Variants in JAK2 observed in about 807,000 individuals in gnomAD.
JAK2 encodes Janus kinase 2, also known as tyrosine-protein kinase JAK2.
A neutral mutation model predicts 139.3 loss-of-function variants in JAK2; 86 were observed. That is an observed-to-expected ratio of 0.62 (90% CI 0.52 to 0.74). The LOEUF is 0.74. JAK2 is among the 30% of genes least tolerant of loss of function. The pLI, the probability that JAK2 is intolerant of heterozygous loss-of-function variation, is 0.00. For synonymous variants in JAK2, 490 were observed against 437.7 expected (o/e 1.12, Z -1.49); for missense variants, 1,421 against 1,360.3 (o/e 1.04, Z -0.70).
At chr9:5,106,996 A>G (rs1822015199) in intron 22 of JAK2, among the ~76,000 whole-genome samples, 2 of 152,178 alleles carry the variant, frequency 1.3e-5, no homozygotes, top group Non-Finnish European at 2.9e-5. Context: ...AAACCTGCAC[A>G]TTGTGCACAT....
intron 7 of JAK2, among the ~76,000 whole-genome samples, chr9:5,055,321 T>G (rs1294123866): frequency 6.6e-6 from 1 of 152,062 alleles, no homozygotes; most frequent in African/African-American, 2.4e-5. Context: ...GTGTTGTTCA[T>G]AGATTGTTAC....
chr9:5,085,210 G>C, intron 19 of JAK2: 1 of 664,218 alleles, frequency 1.5e-6, no homozygotes, highest in Non-Finnish European at 2.9e-6. Flanking sequence ...ATTCATTTCT[G>C]GGAACTGCTG....
chr9:5,020,920 G>C lies in JAK2; in HGVS notation c.-25-1043G>C, dbSNP rs73639256. 2.4e-3 allele frequency among the ~76,000 whole-genome samples: 367 copies of C among 152,250 alleles called. 5 individuals are homozygous for C. Among genetic ancestry groups the C allele is most frequent in the African/African-American group, 8.4e-3 (349 of 41,526 alleles). ...TGGGCTTTAAAAATGGCACCGTGCT[G>C]TAGCTGCTTAGGACTCAGGGGTGTG... On this transcript the variant is annotated intron_variant, in intron 2 of 24. Coordinates refer to ENST00000381652, the MANE Select transcript of JAK2 (RefSeq NM_004972.4).
intron 2 of JAK2, among the ~76,000 whole-genome samples, chr9:4,998,979 G>T (rs1355058268): frequency 6.6e-6 from 1 of 150,772 alleles, no homozygotes; most frequent in Non-Finnish European, 1.5e-5. Flanking sequence ...CCGCCACCAC[G>T]CCCGGCTATT....
intron 22 of JAK2, chr9:5,097,970 CAACGTTA>C (rs1404850132): frequency 1.2e-4 from 19 of 152,266 alleles, no homozygotes; most frequent in African/African-American, 4.6e-4. Flanking sequence ...CGGTATGCCG[CAACGTTA>C]TTCCGATTAT....
At position 5,090,903 on chromosome 9, in the gene JAK2, C is replaced by G; in HGVS notation, c.3051C>G (p.Pro1017=). 6.3e-7 allele frequency: 1 copy of G among 1,599,652 alleles called. No individual in the cohort carries two copies. Residue 1017 remains proline, a synonymous_variant, in exon 22 of 25, where the codon CCC becomes CCG. Transcript: ENST00000381652. ...YYKVKEPGES[P]IFWYAPESLT... ...AAGTAAAAGAACCTGGTGAAAGTCCCATATTCTGGTGAGTATATTTCAGTA... is the reference window on the plus strand; with the variant it reads ...AAGTAAAAGAACCTGGTGAAAGTCCGATATTCTGGTGAGTATATTTCAGTA...
At chr9:5,016,736 T>A (rs1364083908) in intron 2 of JAK2, among the ~76,000 whole-genome samples, 2 of 152,114 alleles carry the variant, frequency 1.3e-5, no homozygotes, top group Non-Finnish European at 2.9e-5. Flanking sequence ...TCCTGCCAGT[T>A]ATTCTCCATG....
chr9:5,013,648 A>G (rs778523533), intron 2 of JAK2, among the ~76,000 whole-genome samples: 1 of 152,120 alleles, frequency 6.6e-6, no homozygotes, highest in African/African-American at 2.4e-5. Context: ...GTTTTTCATT[A>G]CTTGTCAAAA....
At chr9:5,030,034 T>G in intron 4 of JAK2, 128 bp downstream of exon 4, 1 of 711,120 alleles carries the variant, frequency 1.4e-6, no homozygotes, top group Non-Finnish European at 2.2e-6. Context: ...TCATTTAAGA[T>G]TTCATTTAAG....
intron 22 of JAK2, chr9:5,101,128 C>A (rs1821448246): frequency 6.6e-6 from 1 of 152,278 alleles, no homozygotes; most frequent in Non-Finnish European, 1.5e-5. Flanking sequence ...CTTTCCCAGC[C>A]AAGGGAAGCC....
At chr9:5,074,447 C>A (rs185047035) in intron 14 of JAK2, among the ~76,000 whole-genome samples, 1 of 148,252 alleles carries the variant, frequency 6.7e-6, no homozygotes, top group Admixed American at 6.9e-5. Context: ...TTTGGTAATT[C>A]TAGCAACATT....
intron 2 of JAK2, among the ~76,000 whole-genome samples, chr9:4,996,748 A>T (rs901649789): frequency 6.6e-6 from 1 of 151,972 alleles, no homozygotes; most frequent in Non-Finnish European, 1.5e-5. Context: ...TTCTGCGATA[A>T]TTGGATTATA....
At chr9:5,097,544 C>T (rs3780372) in intron 22 of JAK2, 50,898 of 151,934 alleles carry the variant, frequency 0.34, 8,856 homozygotes, top group African/African-American at 0.44. Context: ...ACAGTAGGAA[C>T]AGACATAGAC....
chr9:5,102,362 G>A (rs1470684892), intron 22 of JAK2, among the ~76,000 whole-genome samples: 1 of 152,088 alleles, frequency 6.6e-6, no homozygotes, highest in Non-Finnish European at 1.5e-5. Flanking sequence ...AAAGCAACAA[G>A]ATAAAGCCTA....
chr9:5,005,150 G>A (rs1821212947), intron 2 of JAK2, among the ~76,000 whole-genome samples: 1 of 111,810 alleles, frequency 8.9e-6, no homozygotes, highest in African/African-American at 3.5e-5. Flanking sequence ...GGGTCTCACT[G>A]TGTTGCCCAG....
chr9:5,096,014 G>C lies in JAK2; in HGVS notation c.3059+5103G>C, dbSNP rs946358556. On this transcript the variant is annotated intron_variant, in intron 22 of 24. Coordinates refer to ENST00000381652, the MANE Select transcript of JAK2 (RefSeq NM_004972.4). ...CCATTAACAGGATTTCTGCCTGAAT[G>C]AGTCATCATTCAAGAATTTTCAAAA... 3.9e-5 allele frequency among the ~76,000 whole-genome samples: 6 copies of C among 152,228 alleles called. No homozygotes were observed. In the South Asian group the frequency reaches 1.2e-3, roughly 32 times the overall value.
At chr9:5,056,353 A>C (rs1281959577) in intron 8 of JAK2, among the ~76,000 whole-genome samples, 1 of 151,944 alleles carries the variant, frequency 6.6e-6, no homozygotes, top group African/African-American at 2.4e-5. Flanking sequence ...TTTGCTCTTA[A>C]GTTTCTCATT....
In JAK2 at chr9:5,022,089, A is replaced by T; in HGVS notation, c.102A>T (p.Gln34His). The T allele has an allele frequency of 3.1e-6, 5 of 1,613,748 alleles. No homozygotes were observed. The highest frequency in any genetic ancestry group is 4.2e-6 in the Non-Finnish European group (5 of 1,179,594). Residue 34 changes from glutamine (Q) to histidine (H), a missense_variant, in exon 3 of 25, where the codon CAA (glutamine) becomes CAT (histidine). Transcript: ENST00000381652. The part of the protein sequence containing the change: ...DISGNANSMK[Q>H]IDPVLQVYLY... Reference sequence around the variant, plus strand: ...CTGGAAATGCCAATTCTATGAAGCAAATAGATCCAGTTCTTCAGGTGTATC... The same window carrying T: ...CTGGAAATGCCAATTCTATGAAGCATATAGATCCAGTTCTTCAGGTGTATC...
chr9:5,062,190 T>G (rs192501478), intron 8 of JAK2, among the ~76,000 whole-genome samples: 2 of 152,212 alleles, frequency 1.3e-5, no homozygotes, highest in Non-Finnish European at 2.9e-5. Flanking sequence ...AAAACCTGCA[T>G]ATGTGTAGGG....
Sources: allele counts gnomAD v4.1 joint callset (sites outside exome capture counted in the v4.1 genomes callset), GRCh38; gene constraint gnomAD v4.1.1; transcripts MANE v1.5; gene names NCBI Gene and HGNC (gene_info 2026-07-23, HGNC 2026-07-21).